The following SRD5A2 variants were observed in gnomAD, a reference collection of about 807,000 sequenced individuals.
SRD5A2 encodes the protein steroid 5 alpha-reductase 2, also known as 3-oxo-5-alpha-steroid 4-dehydrogenase 2.
Under a neutral mutation model 27.4 loss-of-function variants are expected in SRD5A2, and 30 were observed. That is an observed-to-expected ratio of 1.10 (90% CI 0.82 to 1.49). The LOEUF (loss-of-function observed/expected upper bound fraction) is 1.49, where lower values mean the gene tolerates loss of function less well. Ranked by LOEUF, SRD5A2 falls within the 40% of genes most tolerant of loss-of-function variation. The pLI, the probability that SRD5A2 is intolerant of heterozygous loss-of-function variation, is 0.00. For synonymous variants in SRD5A2, 141 were observed against 133.6 expected (o/e 1.06, Z -0.38); for missense variants, 348 against 323.4 (o/e 1.08, Z -0.58).
At chr2:31,602,721 C>T in the SRD5A2 span, among the ~76,000 whole-genome samples, 1 of 151,746 alleles carries the variant, frequency 6.6e-6, no homozygotes, top group Non-Finnish European at 1.5e-5. Flanking sequence ...CATGGAACAA[C>T]CGAACAGAAT....
chr2:31,544,283 G>C (rs1298276587), intron 1 of SRD5A2, among the ~76,000 whole-genome samples: 1 of 151,710 alleles, frequency 6.6e-6, no homozygotes, highest in African/African-American at 2.4e-5. Flanking sequence ...AGAATAACTA[G>C]ACAGAATATA....
the SRD5A2 span, among the ~76,000 whole-genome samples, chr2:31,606,157 A>C: frequency 6.6e-6 from 1 of 151,902 alleles, no homozygotes; most frequent in Non-Finnish European, 1.5e-5. Flanking sequence ...TGGGAAGGGT[A>C]GTGGGTGGTG....
At chr2:31,655,772 A>G in the SRD5A2 span, among the ~76,000 whole-genome samples, 1 of 152,208 alleles carries the variant, frequency 6.6e-6, no homozygotes, top group Non-Finnish European at 1.5e-5. Context: ...TAAATAAATA[A>G]TAAGCATAAG....
chr2:31,632,002 G>T, the SRD5A2 span, among the ~76,000 whole-genome samples: 1 of 152,072 alleles, frequency 6.6e-6, no homozygotes, highest in Non-Finnish European at 1.5e-5. Context: ...TGCCTTTCTG[G>T]AGAGACTAAG....
chr2:31,622,486 C>T, the SRD5A2 span, among the ~76,000 whole-genome samples: 6 of 152,014 alleles, frequency 3.9e-5, no homozygotes, highest in East Asian at 1.9e-4. Flanking sequence ...GTGAATATGA[C>T]GGAAGAGGTA....
chr2:31,540,664 G>T (rs1025418048), intron 1 of SRD5A2, among the ~76,000 whole-genome samples: 2 of 152,206 alleles, frequency 1.3e-5, no homozygotes, highest in Non-Finnish European at 2.9e-5. Flanking sequence ...TCTATTGAAG[G>T]CTTGCAACTT....
chr2:31,638,370 T>C, the SRD5A2 span, among the ~76,000 whole-genome samples: 7 of 152,138 alleles, frequency 4.6e-5, no homozygotes, highest in African/African-American at 1.7e-4. Flanking sequence ...CTGGAGAATG[T>C]TCCATGTGCT....
chr2:31,626,703 A>G, the SRD5A2 span, among the ~76,000 whole-genome samples: 1 of 152,170 alleles, frequency 6.6e-6, no homozygotes. Context: ...CCAGGGATGA[A>G]GCCAACTTGA....
intron 1 of SRD5A2, among the ~76,000 whole-genome samples, chr2:31,540,835 AG>A (rs907004745): frequency 6.6e-6 from 1 of 152,208 alleles, no homozygotes; most frequent in African/African-American, 2.4e-5. Context: ...AGCTTGAAGG[AG>A]CCAGGATAAG....
chr2:31,603,513 T>C, the SRD5A2 span, among the ~76,000 whole-genome samples: 1 of 151,942 alleles, frequency 6.6e-6, no homozygotes, highest in South Asian at 2.1e-4. Context: ...GAGGCAAAAA[T>C]ACCATTTGAC....
intron 3 of SRD5A2, 50 bp from the exon 4 acceptor site, chr2:31,529,507 A>G (rs772029126): frequency 1.2e-5 from 19 of 1,598,228 alleles, no homozygotes; most frequent in Non-Finnish European, 1.6e-5. Context: ...AATCATTTTG[A>G]CATTAAACCC....
the SRD5A2 span, among the ~76,000 whole-genome samples, chr2:31,643,984 A>C: frequency 6.6e-6 from 1 of 152,360 alleles, no homozygotes; most frequent in South Asian, 2.1e-4. Flanking sequence ...ATATTCAAAT[A>C]GCCTTAAAGA....
chr2:31,532,806 G>A (rs754726793), intron 2 of SRD5A2, among the ~76,000 whole-genome samples: 4 of 152,042 alleles, frequency 2.6e-5, no homozygotes, highest in Non-Finnish European at 4.4e-5. Flanking sequence ...GTAGGGGAGC[G>A]GGGAGGGAAG....
At chr2:31,628,602 T>C in the SRD5A2 span, among the ~76,000 whole-genome samples, 26 of 152,310 alleles carry the variant, frequency 1.7e-4, no homozygotes, top group South Asian at 2.1e-4. Flanking sequence ...TATGTAGTGA[T>C]TGATAATGGT....
the SRD5A2 span, among the ~76,000 whole-genome samples, chr2:31,646,142 CACAA>C: frequency 7.2e-4 from 110 of 152,178 alleles, no homozygotes; most frequent in South Asian, 7.1e-3. Context: ...ATGCTCCAAA[CACAA>C]ACAAACAGGT....
At chr2:31,585,223 A>C (rs1272483460), upstream of SRD5A2, among the ~76,000 whole-genome samples, 13 of 152,324 alleles carry the variant, frequency 8.5e-5, no homozygotes, top group East Asian at 2.5e-3. Flanking sequence ...AAGGCAGTTT[A>C]GGCCAAAAGA....
At chr2:31,544,951 T>C (rs1558362102) in intron 1 of SRD5A2, among the ~76,000 whole-genome samples, 1 of 151,618 alleles carries the variant, frequency 6.6e-6, no homozygotes, top group African/African-American at 2.4e-5. Flanking sequence ...ATAACCTACA[T>C]GAAAAAGTTC....
At chr2:31,556,101 C>G (rs1666488622) in intron 1 of SRD5A2, among the ~76,000 whole-genome samples, 1 of 152,222 alleles carries the variant, frequency 6.6e-6, no homozygotes, top group African/African-American at 2.4e-5. Flanking sequence ...TTGGGCCAAC[C>G]AGTCCTCTGA....
the SRD5A2 span, among the ~76,000 whole-genome samples, chr2:31,611,316 G>A: frequency 6.6e-6 from 1 of 151,916 alleles, no homozygotes; most frequent in African/African-American, 2.4e-5. Context: ...AAAAAATTTG[G>A]GATCGTTTGT....
Sources: allele counts gnomAD v4.1 joint callset (sites outside exome capture counted in the v4.1 genomes callset), GRCh38; gene constraint gnomAD v4.1.1; transcripts MANE v1.5; gene names NCBI Gene and HGNC (gene_info 2026-07-23, HGNC 2026-07-21).